SPATA16: variants seen among roughly 807,000 people sequenced by gnomAD.
The protein encoded by SPATA16 is spermatogenesis-associated protein 16.
In SPATA16, 36 loss-of-function variants were observed where a neutral mutation model predicts 63.3. The observed-to-expected ratio is 0.57, with a 90% CI of 0.44 to 0.75. The LOEUF is 0.75. Among genes scored for constraint, SPATA16 ranks in the 30% least tolerant of loss-of-function variants. SPATA16 has a pLI of 0.00. For synonymous variants in SPATA16, 203 were observed against 216.7 expected (o/e 0.94, Z 0.56); for missense variants, 646 against 679.3 (o/e 0.95, Z 0.54).
intron 6 of SPATA16, among the ~76,000 whole-genome samples, chr3:172,947,636 G>A (rs900627229): frequency 6.6e-6 from 1 of 152,108 alleles, no homozygotes; most frequent in Non-Finnish European, 1.5e-5. Flanking sequence ...CAGGGACATG[G>A]ATGAAGCTGG....
chr3:172,896,824 T>C (rs1205877437), intron 10 of SPATA16, among the ~76,000 whole-genome samples: 2 of 152,134 alleles, frequency 1.3e-5, no homozygotes, highest in African/African-American at 4.8e-5. Flanking sequence ...AAGAGCTCTT[T>C]ATAGAATCTG....
intron 10 of SPATA16, among the ~76,000 whole-genome samples, chr3:172,892,322 T>G (rs1448556350): frequency 6.6e-6 from 1 of 152,202 alleles, no homozygotes; most frequent in Non-Finnish European, 1.5e-5. Flanking sequence ...GGGAAATTAC[T>G]TGGCCTTTCT....
At chr3:173,009,843 C>CTCCT (rs1735023882) in intron 4 of SPATA16, among the ~76,000 whole-genome samples, 1 of 152,254 alleles carries the variant, frequency 6.6e-6, no homozygotes, top group South Asian at 2.1e-4. Context: ...CTTCACAGGG[C>CTCCT]AGGAGCCGGC....
chr3:173,136,033 C>T (rs1488326376), intron 1 of SPATA16, among the ~76,000 whole-genome samples: 1 of 152,240 alleles, frequency 6.6e-6, no homozygotes, highest in Non-Finnish European at 1.5e-5. Flanking sequence ...ATGCCCCCTA[C>T]TCCCTTATCT....
At chr3:173,032,629 A>G (rs1735631702) in intron 3 of SPATA16, among the ~76,000 whole-genome samples, 1 of 152,176 alleles carries the variant, frequency 6.6e-6, no homozygotes, top group Non-Finnish European at 1.5e-5. Context: ...ACCAGTTAAC[A>G]TGCATCAAAT....
At chr3:173,015,133 C>T (rs1735152861) in intron 4 of SPATA16, among the ~76,000 whole-genome samples, 1 of 151,328 alleles carries the variant, frequency 6.6e-6, no homozygotes, top group Non-Finnish European at 1.5e-5. Context: ...GCACGATCTC[C>T]ACTCACCGCA....
intron 3 of SPATA16, among the ~76,000 whole-genome samples, chr3:173,044,985 C>T (rs1326380659): frequency 1.3e-5 from 2 of 152,006 alleles, no homozygotes; most frequent in Non-Finnish European, 2.9e-5. Flanking sequence ...AGTCTCTTTA[C>T]CCTAATACTC....
chr3:173,020,433 T>C (rs1217792697), intron 3 of SPATA16, among the ~76,000 whole-genome samples: 1 of 152,212 alleles, frequency 6.6e-6, no homozygotes, highest in East Asian at 1.9e-4. Context: ...GTCTTGACCC[T>C]TTTGTTAAGG....
chr3:173,069,957 GAA>G (rs35163779), intron 2 of SPATA16, among the ~76,000 whole-genome samples: 12 of 147,184 alleles, frequency 8.2e-5, no homozygotes, highest in African/African-American at 2.7e-4. Context: ...ATAAAAAGAC[GAA>G]AAAAAAAAAC....
chr3:173,106,391 A>G (rs538341260), intron 2 of SPATA16, among the ~76,000 whole-genome samples: 2 of 152,336 alleles, frequency 1.3e-5, no homozygotes, highest in African/African-American at 2.4e-5. Flanking sequence ...GATTATGGCA[A>G]ATAAAATGTC....
At chr3:172,975,284 T>G (rs1231391825) in intron 5 of SPATA16, among the ~76,000 whole-genome samples, 1 of 152,214 alleles carries the variant, frequency 6.6e-6, no homozygotes, top group Non-Finnish European at 1.5e-5. Context: ...GGTCTTACTT[T>G]GTCTTAGGTT....
intron 10 of SPATA16, among the ~76,000 whole-genome samples, chr3:172,912,975 A>G (rs1008309158): frequency 1.3e-5 from 2 of 152,228 alleles, no homozygotes; most frequent in Non-Finnish European, 2.9e-5. Context: ...TTTGTTTCAC[A>G]TCTCCTGATG....
At chr3:173,069,158 A>T (rs1736606992) in intron 2 of SPATA16, among the ~76,000 whole-genome samples, 1 of 151,810 alleles carries the variant, frequency 6.6e-6, no homozygotes, top group African/African-American at 2.4e-5. Context: ...TAGCAGAAAT[A>T]AGTGAAATTG....
intron 5 of SPATA16, among the ~76,000 whole-genome samples, chr3:172,965,788 G>A (rs1216300556): frequency 6.6e-6 from 1 of 152,086 alleles, no homozygotes; most frequent in Non-Finnish European, 1.5e-5. Context: ...ATGTTGGCCA[G>A]GATGGTCTCG....
chr3:172,925,358 G>C lies in SPATA16; in HGVS notation c.1216C>G (p.Pro406Ala). ...FLEKISSRKL[P>A]IFTEHKTPFG... ...TCAGATGATTTACCTGTGAATATCG[G>C]CAGCTTCCTGCTTGATATTTTTTCC... Residue 406 changes from proline to alanine, a missense_variant, in exon 7 of 11, where the codon CCG becomes GCG. By Grantham distance (27) the Pro-to-Ala change is conservative (BLOSUM62 -1). Transcript: ENST00000351008. 1 of 1,613,812 alleles carries C rather than the reference G, an allele frequency of 6.2e-7. No individual in the cohort carries two copies.
intron 4 of SPATA16, among the ~76,000 whole-genome samples, chr3:172,999,558 C>T (rs1227320808): frequency 1.3e-5 from 2 of 152,122 alleles, no homozygotes; most frequent in South Asian, 2.1e-4. Context: ...TGATTACAGA[C>T]GTACACCACC....
chr3:173,051,811 C>T (rs1218005308), intron 2 of SPATA16, among the ~76,000 whole-genome samples: 1 of 142,454 alleles, frequency 7.0e-6, no homozygotes, highest in Non-Finnish European at 1.5e-5. Context: ...TTTTTAGGCA[C>T]ACTTTTTTTT....
At chr3:173,014,888 G>A (rs1215594462) in intron 4 of SPATA16, among the ~76,000 whole-genome samples, 2 of 152,118 alleles carry the variant, frequency 1.3e-5, no homozygotes, top group Non-Finnish European at 2.9e-5. Flanking sequence ...GGTCACTTTA[G>A]TGAGTGGTCT....
intron 2 of SPATA16, among the ~76,000 whole-genome samples, chr3:173,107,359 A>G (rs1001981149): frequency 6.6e-6 from 1 of 152,152 alleles, no homozygotes; most frequent in Non-Finnish European, 1.5e-5. Context: ...TAGTAGTGGC[A>G]TTCAAGTATA....
Sources: gnomAD v4.1 joint callset for allele counts (sites outside exome capture counted in the v4.1 genomes callset) on GRCh38, gnomAD v4.1.1 for gene constraint, MANE v1.5 for transcripts, NCBI Gene and HGNC (gene_info 2026-07-23, HGNC 2026-07-21) for gene names.